The following JAZF1 variants were observed in gnomAD, a reference collection of about 807,000 sequenced individuals.
The protein encoded by JAZF1 is JAZF zinc finger 1, also known as juxtaposed with another zinc finger protein 1.
In JAZF1, 8 loss-of-function variants were observed where a neutral mutation model predicts 26.4. The observed-to-expected ratio is 0.30, with a 90% confidence interval of 0.18 to 0.55. JAZF1 has a LOEUF of 0.55. Ranked by LOEUF, JAZF1 falls within the 20% of genes least tolerant of loss-of-function variation. The probability of loss-of-function intolerance (pLI) is 0.94; values close to 1 mark genes in which losing one functional copy is unlikely to be tolerated. For synonymous variants in JAZF1, 126 were observed against 122.3 expected (o/e 1.03, Z -0.20); for missense variants, 199 against 322.0 (o/e 0.62, Z 2.92).
chr7:28,083,842 G>A (rs1784174652), intron 1 of JAZF1, among the ~76,000 whole-genome samples: 1 of 151,742 alleles, frequency 6.6e-6, no homozygotes, highest in East Asian at 2.0e-4. Context: ...TTGCAACATT[G>A]TCTTACCCAA....
At chr7:28,180,106 CCGCCCCG>C (rs1187294582) in intron 1 of JAZF1, among the ~76,000 whole-genome samples, 1 of 145,452 alleles carries the variant, frequency 6.9e-6, no homozygotes, top group Non-Finnish European at 1.5e-5. Context: ...GCCGCGCCCT[CCGCCCCG>C]CGCCCCGCGC....
chr7:27,884,800 T>C (rs1442010505), intron 3 of JAZF1, among the ~76,000 whole-genome samples: 1 of 152,236 alleles, frequency 6.6e-6, no homozygotes, highest in Non-Finnish European at 1.5e-5. Flanking sequence ...AAAGGTGCTA[T>C]ATACATCCTT....
intron 2 of JAZF1, among the ~76,000 whole-genome samples, chr7:27,950,735 A>T (rs1237193311): frequency 1.3e-5 from 2 of 152,190 alleles, no homozygotes; most frequent in Non-Finnish European, 2.9e-5. Flanking sequence ...CATGAGCTTG[A>T]TATTTAGCCA....
chr7:28,146,401 C>A (rs1259299804), intron 1 of JAZF1, among the ~76,000 whole-genome samples: 20 of 152,336 alleles, frequency 1.3e-4, no homozygotes, highest in Non-Finnish European at 2.9e-5. Context: ...CATGAGCTAT[C>A]CCATGGCACT....
chr7:28,091,847 C>G (rs1784302855), intron 1 of JAZF1, among the ~76,000 whole-genome samples: 1 of 151,954 alleles, frequency 6.6e-6, no homozygotes, highest in Admixed American at 6.6e-5. Context: ...TCCTTGAATC[C>G]TGTGTAATGG....
At chr7:28,085,643 A>T (rs1233503827) in intron 1 of JAZF1, among the ~76,000 whole-genome samples, 1 of 152,224 alleles carries the variant, frequency 6.6e-6, no homozygotes, top group Non-Finnish European at 1.5e-5. Flanking sequence ...CATCATGTTA[A>T]CTATTGCTTT....
At chr7:27,980,037 C>T in intron 2 of JAZF1, among the ~76,000 whole-genome samples, 1 of 152,140 alleles carries the variant, frequency 6.6e-6, no homozygotes, top group East Asian at 1.9e-4. Context: ...TATGTCTGTT[C>T]CCTCTGCCCA....
intron 3 of JAZF1, among the ~76,000 whole-genome samples, chr7:27,856,145 G>A (rs948374349): frequency 1.1e-4 from 16 of 152,206 alleles, no homozygotes; most frequent in East Asian, 1.9e-4. Context: ...TGGTGTGTCC[G>A]GAGTTTGTTC....
At chr7:28,136,179 T>C (rs1287581917) in intron 1 of JAZF1, among the ~76,000 whole-genome samples, 1 of 152,202 alleles carries the variant, frequency 6.6e-6, no homozygotes, top group African/African-American at 2.4e-5. Flanking sequence ...TGCTGAACGT[T>C]GGGTATTTAT....
chr7:27,870,659 G>C (rs1248654641), intron 3 of JAZF1, among the ~76,000 whole-genome samples: 1 of 152,100 alleles, frequency 6.6e-6, no homozygotes, highest in Non-Finnish European at 1.5e-5. Flanking sequence ...ACTCAGCAAA[G>C]GTCCAAGCAA....
chr7:27,988,259 C>A (rs1002673439), intron 2 of JAZF1, among the ~76,000 whole-genome samples: 64 of 151,910 alleles, frequency 4.2e-4, no homozygotes, highest in Non-Finnish European at 7.4e-4. Flanking sequence ...TTTAAACAAT[C>A]CCTGTTGGAT....
chr7:27,992,510 C>T (rs1402052554), intron 1 of JAZF1, among the ~76,000 whole-genome samples: 3 of 152,174 alleles, frequency 2.0e-5, no homozygotes, highest in African/African-American at 7.2e-5. Context: ...TCTAGACTCT[C>T]AATCAGAAAT....
rs1785910812 is a variant in JAZF1 at position 27,991,889 on chromosome 7, A to C, written c.188+20T>G. 4 of 1,400,802 alleles carry C rather than the reference A, an allele frequency of 2.9e-6. No homozygotes were observed. In the East Asian group the frequency reaches 6.9e-5, roughly 24 times the overall value. 86.8% of individuals were successfully genotyped at this position (1,400,802 alleles called of 1,614,324 possible). The stretch of plus-strand genomic sequence containing the variant: ...GCAGCAGATATAAGGTTGTTATAAT[A>C]AATTCTGAAAATGGCTTACCTATTT... On this transcript the variant is annotated intron_variant, in intron 2 of 4. Transcript: ENST00000283928.
At chr7:27,912,665 G>C (rs777590864) in intron 2 of JAZF1, among the ~76,000 whole-genome samples, 4 of 152,162 alleles carry the variant, frequency 2.6e-5, no homozygotes, top group Non-Finnish European at 5.9e-5. Flanking sequence ...GTTCTGAAAA[G>C]CCAATTAAGA....
chr7:28,050,294 A>G (rs1783590392), intron 1 of JAZF1, among the ~76,000 whole-genome samples: 1 of 152,244 alleles, frequency 6.6e-6, no homozygotes, highest in Non-Finnish European at 1.5e-5. Context: ...GCAAATCCAT[A>G]GAGACAGAAA....
chr7:27,851,403 CT>C (rs1289798293), intron 3 of JAZF1, among the ~76,000 whole-genome samples: 2 of 152,148 alleles, frequency 1.3e-5, no homozygotes, highest in South Asian at 2.1e-4. Flanking sequence ...TTCACACACA[CT>C]TTGGGAGGCT....
intron 1 of JAZF1, among the ~76,000 whole-genome samples, chr7:28,133,763 A>T (rs1782837548): frequency 6.6e-6 from 1 of 152,136 alleles, no homozygotes; most frequent in South Asian, 2.1e-4. Flanking sequence ...TAACAGGTCA[A>T]CTTGCTCCTG....
chr7:27,878,966 G>T (rs374931278), intron 3 of JAZF1, among the ~76,000 whole-genome samples: 1 of 152,046 alleles, frequency 6.6e-6, no homozygotes, highest in Non-Finnish European at 1.5e-5. Flanking sequence ...ATATTCTGAG[G>T]ACATTTGTAC....
intron 2 of JAZF1, among the ~76,000 whole-genome samples, chr7:27,896,473 G>A (rs895394282): frequency 1.3e-5 from 2 of 152,142 alleles, no homozygotes; most frequent in Non-Finnish European, 2.9e-5. Flanking sequence ...CTAAGAAACA[G>A]AACATTCCAT....
Sources: allele counts gnomAD v4.1 joint callset (sites outside exome capture counted in the v4.1 genomes callset), GRCh38; gene constraint gnomAD v4.1.1; transcripts MANE v1.5; gene names NCBI Gene and HGNC (gene_info 2026-07-23, HGNC 2026-07-21).